Variants in FAM81A observed in about 807,000 individuals in gnomAD.
FAM81A encodes protein FAM81A.
In FAM81A, 19 loss-of-function variants were observed where a neutral mutation model predicts 46.7. That is an observed-to-expected ratio of 0.41 (90% CI 0.28 to 0.60). The LOEUF is 0.60. Among genes scored for constraint, FAM81A ranks in the 20% least tolerant of loss-of-function variants. The probability of loss-of-function intolerance (pLI) is 0.34; values close to 1 mark genes in which losing one functional copy is unlikely to be tolerated. For synonymous variants in FAM81A, 183 were observed against 152.9 expected, an observed-to-expected ratio of 1.20 and a Z score of -1.45; for missense variants, 377 against 453.5, an observed-to-expected ratio of 0.83 and a Z score of 1.53.
chr15:59,493,134 C>T (rs1457617096), intron 4 of FAM81A, among the ~76,000 whole-genome samples: 2 of 152,196 alleles, frequency 1.3e-5, no homozygotes, highest in African/African-American at 2.4e-5. Flanking sequence ...TGGCACTTCC[C>T]GTCAGCCTGA....
intron 3 of FAM81A, among the ~76,000 whole-genome samples, chr15:59,463,459 C>T (rs1480987150): frequency 1.3e-5 from 2 of 152,202 alleles, no homozygotes; most frequent in African/African-American, 4.8e-5. Context: ...TTGGACTAGT[C>T]TATGTCCTTT....
At chr15:59,447,880 G>T (rs1436476401) in intron 1 of FAM81A, among the ~76,000 whole-genome samples, 2 of 152,160 alleles carry the variant, frequency 1.3e-5, no homozygotes, top group African/African-American at 4.8e-5. Flanking sequence ...ATACAGGAGC[G>T]AAGGAAGGCA....
At chr15:59,431,333 C>A (rs1448780009) in intron 2 of FAM81A, among the ~76,000 whole-genome samples, 1 of 151,986 alleles carries the variant, frequency 6.6e-6, no homozygotes, top group Non-Finnish European at 1.5e-5. Context: ...CTCCTGGGTT[C>A]AAGCGATTCT....
intron 2 of FAM81A, among the ~76,000 whole-genome samples, chr15:59,429,156 G>A (rs1398573842): frequency 1.3e-5 from 2 of 152,024 alleles, no homozygotes; most frequent in African/African-American, 4.8e-5. Context: ...TGCTAATATT[G>A]GGAAAACTGA....
chr15:59,473,673 C>T (rs1224659807), intron 3 of FAM81A, among the ~76,000 whole-genome samples: 4 of 152,062 alleles, frequency 2.6e-5, no homozygotes, highest in Admixed American at 6.5e-5. Flanking sequence ...CTGACATTAC[C>T]GTCCCCTCCA....
chr15:59,454,274 G>A (rs1261693385), intron 1 of FAM81A, among the ~76,000 whole-genome samples: 1 of 152,132 alleles, frequency 6.6e-6, no homozygotes, highest in Non-Finnish European at 1.5e-5. Context: ...ATAGTGAAAT[G>A]AAAAATTAAC....
At chr15:59,512,471 C>CAAAAAA (rs766904849) in intron 6 of FAM81A, among the ~76,000 whole-genome samples, 1 of 13,666 alleles carries the variant, frequency 7.3e-5, no homozygotes. Flanking sequence ...AACTCCATCT[C>CAAAAAA]AAAAAAAAAA....
At chr15:59,516,282 T>C (rs760506240) in intron 7 of FAM81A, among the ~76,000 whole-genome samples, 1 of 151,994 alleles carries the variant, frequency 6.6e-6, no homozygotes, top group Non-Finnish European at 1.5e-5. Context: ...CCCACCACCA[T>C]CCATCCCTGG....
At chr15:59,411,927 T>C (rs1205514794) in intron 2 of FAM81A, among the ~76,000 whole-genome samples, 1 of 151,760 alleles carries the variant, frequency 6.6e-6, no homozygotes, top group Non-Finnish European at 1.5e-5. Flanking sequence ...TCTTTATTTG[T>C]CTTAGGTGAG....
chr15:59,434,472 G>A (rs2081234524), upstream of FAM81A, among the ~76,000 whole-genome samples: 1 of 152,148 alleles, frequency 6.6e-6, no homozygotes, highest in Admixed American at 6.5e-5. Context: ...AAACACTCCT[G>A]AGGGTCACCA....
intron 2 of FAM81A, among the ~76,000 whole-genome samples, chr15:59,419,606 G>A (rs2081161963): frequency 6.6e-6 from 1 of 152,174 alleles, no homozygotes; most frequent in Non-Finnish European, 1.5e-5. Flanking sequence ...GGGCACGGTG[G>A]CTCAAGCTTG....
intron 4 of FAM81A, among the ~76,000 whole-genome samples, chr15:59,494,350 CA>C (rs2082012622): frequency 6.6e-6 from 1 of 152,096 alleles, no homozygotes; most frequent in East Asian, 1.9e-4. Context: ...GGATGAAGAT[CA>C]AGTGGGAGAA....
intron 3 of FAM81A, among the ~76,000 whole-genome samples, chr15:59,473,947 G>T (rs1187079913): frequency 2.0e-5 from 3 of 152,156 alleles, no homozygotes; most frequent in Non-Finnish European, 4.4e-5. Context: ...AAAGTGTTGG[G>T]ATTACAGGCA....
chr15:59,464,103 A>G (rs1400487301), intron 3 of FAM81A, among the ~76,000 whole-genome samples: 1 of 152,202 alleles, frequency 6.6e-6, no homozygotes, highest in African/African-American at 2.4e-5. Context: ...TTCACATAAC[A>G]TAATGTCCTG....
chr15:59,493,780 G>A (rs1210283095), intron 4 of FAM81A, among the ~76,000 whole-genome samples: 1 of 152,140 alleles, frequency 6.6e-6, no homozygotes, highest in East Asian at 1.9e-4. Flanking sequence ...TAGAGATGAG[G>A]TTTTACCATG....
intron 1 of FAM81A, among the ~76,000 whole-genome samples, chr15:59,447,887 G>T (rs1201605921): frequency 6.6e-6 from 1 of 152,200 alleles, no homozygotes; most frequent in East Asian, 1.9e-4. Context: ...AGCGAAGGAA[G>T]GCAGATAATT....
intron 2 of FAM81A, among the ~76,000 whole-genome samples, chr15:59,406,321 A>G (rs1308924058): frequency 6.6e-6 from 1 of 152,214 alleles, no homozygotes; most frequent in Non-Finnish European, 1.5e-5. Flanking sequence ...TGAGATACGC[A>G]CTATCATCAC....
chr15:59,483,855 T>C (rs192135523), intron 3 of FAM81A, among the ~76,000 whole-genome samples: 2 of 152,304 alleles, frequency 1.3e-5, no homozygotes, highest in Non-Finnish European at 1.5e-5. Flanking sequence ...GGCTCACTGC[T>C]TCGCACCCTA....
chr15:59,399,105 G>T (rs1033921708), intron 1 of FAM81A, among the ~76,000 whole-genome samples: 95 of 152,270 alleles, frequency 6.2e-4, no homozygotes, highest in African/African-American at 2.2e-3. Flanking sequence ...GGAGGCGGAG[G>T]TTATGGTAAG....
Sources: allele counts gnomAD v4.1 joint callset (sites outside exome capture counted in the v4.1 genomes callset), GRCh38; gene constraint gnomAD v4.1.1; transcripts MANE v1.5; gene names NCBI Gene and HGNC (gene_info 2026-07-23, HGNC 2026-07-21).